DCAF16: variants seen among roughly 807,000 people sequenced by gnomAD.
DCAF16 encodes the protein DDB1 and CUL4 associated factor 16.
Under a neutral mutation model 17.3 loss-of-function variants are expected in DCAF16, and 10 were observed. That is an observed-to-expected ratio of 0.58 (90% confidence interval 0.36 to 0.98). The LOEUF (loss-of-function observed/expected upper bound fraction) is 0.98, where lower values mean the gene tolerates loss of function less well. DCAF16 is among the 50% of genes least tolerant of loss of function. DCAF16 has a pLI of 0.01. For synonymous variants in DCAF16, 111 were observed against 92.8 expected, an observed-to-expected ratio of 1.20 and a Z score of -1.12; for missense variants, 249 against 247.6, an observed-to-expected ratio of 1.01 and a Z score of -0.04.
Position 17,803,811 on chromosome 4 carries a change from G to A in DCAF16, c.331C>T (p.Pro111Ser), listed in dbSNP as rs979777525. Residue 111 changes from proline (P) to serine (S), a missense_variant, in exon 3 of 3, where the codon CCT becomes TCT. Transcript: ENST00000382247. ...SHCVPKLEPI[P>S]EWPPLASCGV... ...CAAGAGGCCAGAGGGGGCCATTCAG[G>A]AATTGGTTCCAGTTTGGGGACACAA... The A allele has an allele frequency of 2.5e-6, 4 of 1,614,208 alleles. No homozygotes were observed. The highest frequency in any genetic ancestry group is 2.5e-6 in the Non-Finnish European group (3 of 1,180,036).
At chr4:17,798,712 C>T (rs1301448254), downstream of DCAF16, among the ~76,000 whole-genome samples, 2 of 152,160 alleles carry the variant, frequency 1.3e-5, no homozygotes, top group Non-Finnish European at 2.9e-5. Context: ...AGTGTCAGGT[C>T]ACTGTGGTAT....
rs1720124301 is a variant in DCAF16 at position 17,804,531 on chromosome 4, T to G, written c.-390A>C. 1 of 201,228 alleles carries G rather than the reference T, an allele frequency of 5.0e-6. No homozygotes were observed. The highest frequency in any genetic ancestry group is 1.2e-4 in the South Asian group (1 of 8,562). 12.5% of individuals were successfully genotyped at this position (201,228 alleles called of 1,614,324 possible). ...AGTGATACTGTGAAGAGACACTTTT[T>G]GTGCTGTTTTGCTGGCAGTGATATT... On this transcript the variant is annotated 5_prime_UTR_variant, in exon 3 of 3. Coordinates refer to ENST00000382247, the MANE Select transcript of DCAF16 (RefSeq NM_017741.4).
intron 1 of DCAF16, among the ~76,000 whole-genome samples, chr4:17,806,600 TG>T (rs1382690527): frequency 6.6e-6 from 1 of 152,218 alleles, no homozygotes; most frequent in Non-Finnish European, 1.5e-5. Flanking sequence ...TGCTCTTGGA[TG>T]GAACAAATAT....
At chr4:17,796,707 C>T (rs1376411744), downstream of DCAF16, among the ~76,000 whole-genome samples, 4 of 152,102 alleles carry the variant, frequency 2.6e-5, no homozygotes, top group South Asian at 2.1e-4. Context: ...CTCCATCTCA[C>T]AACGACAACA....
downstream of DCAF16, among the ~76,000 whole-genome samples, chr4:17,796,130 A>G (rs1307238063): frequency 6.6e-6 from 1 of 152,214 alleles, no homozygotes; most frequent in Admixed American, 6.5e-5. Context: ...GTCATCTGCT[A>G]GAGAGATAGC....
chr4:17,809,704 A>T (rs1720688565), intron 1 of DCAF16: 1 of 152,188 alleles, frequency 6.6e-6, no homozygotes. Context: ...TGACATAGAC[A>T]TTAACAAGAA....
chr4:17,807,584 A>G (rs968263632), intron 1 of DCAF16, among the ~76,000 whole-genome samples: 1 of 152,206 alleles, frequency 6.6e-6, no homozygotes, highest in Non-Finnish European at 1.5e-5. Flanking sequence ...ATAGATAGCA[A>G]AGAAATTCCC....
chr4:17,807,641 T>C (rs1720451017), intron 1 of DCAF16, among the ~76,000 whole-genome samples: 2 of 152,234 alleles, frequency 1.3e-5, no homozygotes, highest in South Asian at 2.1e-4. Context: ...ACATCTGTGA[T>C]GACAGGAATT....
chr4:17,798,308 TC>T (rs1357419916), downstream of DCAF16, among the ~76,000 whole-genome samples: 20 of 147,384 alleles, frequency 1.4e-4, no homozygotes, highest in Admixed American at 3.4e-4. Context: ...ACTGTTATTT[TC>T]CTTTTTTTTT....
chr4:17,803,795 A>G lies in DCAF16; in HGVS notation c.347T>C (p.Leu116Pro). 6.2e-7 allele frequency: 1 copy of G among 1,614,230 alleles called. No homozygotes were observed. The highest frequency in any genetic ancestry group is 8.5e-7 in the Non-Finnish European group (1 of 1,180,034). The part of the protein sequence containing the change: ...KLEPIPEWPP[L>P]ASCGVPPFQK... ...AAAAGGTGGGACTCCACAAGAGGCC[A>G]GAGGGGGCCATTCAGGAATTGGTTC... Residue 116 changes from leucine to proline, a missense_variant, in exon 3 of 3, where the codon CTG (leucine) becomes CCG (proline). Coordinates refer to ENST00000382247, the MANE Select transcript of DCAF16 (RefSeq NM_017741.4).
downstream of DCAF16, among the ~76,000 whole-genome samples, chr4:17,797,700 G>A (rs1243244573): frequency 6.6e-6 from 1 of 152,188 alleles, no homozygotes; most frequent in Non-Finnish European, 1.5e-5. Context: ...TGGTTACTCA[G>A]GGTGCAACCA....
intron 1 of DCAF16, among the ~76,000 whole-genome samples, chr4:17,808,416 T>C (rs1720522292): frequency 1.3e-5 from 2 of 152,214 alleles, no homozygotes; most frequent in South Asian, 4.1e-4. Context: ...CAGAAAATTT[T>C]TAAAAAGGCT....
In DCAF16 at chr4:17,803,128, G is replaced by A. The variant is rs1181193918; in HGVS notation, c.*363C>T. 3 of 196,462 alleles carry A rather than the reference G, an allele frequency of 1.5e-5. No homozygotes were observed. Among genetic ancestry groups the A allele is most frequent in the Non-Finnish European group, 3.2e-5 (3 of 94,908 alleles). The allele number at this position is 196,462 out of a possible 1,614,324, so 12.2% of individuals were successfully genotyped here. A position where few individuals can be genotyped will look rare whatever the true frequency, so the allele number is the denominator to read the frequency against. ...CAACCTCCGTCTCCTGGGTTCAAGTGATTCTCCTGTTTCAGCCTCCCGAGT... is the reference window on the plus strand; with the variant it reads ...CAACCTCCGTCTCCTGGGTTCAAGTAATTCTCCTGTTTCAGCCTCCCGAGT... On this transcript the variant is annotated 3_prime_UTR_variant, in exon 3 of 3. Coordinates refer to ENST00000382247, the MANE Select transcript of DCAF16 (RefSeq NM_017741.4).
intron 1 of DCAF16, 126 bp downstream of exon 1, chr4:17,810,321 C>T (rs1720783595): frequency 1.3e-5 from 2 of 152,510 alleles, no homozygotes; most frequent in Admixed American, 1.3e-4. Context: ...ACGGCAGCAG[C>T]TAAGTTAGCC....
Position 17,803,335 on chromosome 4 carries a change from C to T in DCAF16, c.*156G>A. 2.8e-6 allele frequency: 2 copies of T among 716,494 alleles called. No homozygotes were observed. The highest frequency in any genetic ancestry group is 4.7e-6 in the Non-Finnish European group (2 of 428,084). 44.4% of individuals were successfully genotyped at this position (716,494 alleles called of 1,614,324 possible). On this transcript the variant is annotated 3_prime_UTR_variant, in exon 3 of 3. Coordinates refer to ENST00000382247, the MANE Select transcript of DCAF16 (RefSeq NM_017741.4). Reference sequence around the variant, plus strand: ...CCACCATGCCTGACCTTGATATTATCATTTTATCCACAGGGTTTGTCAAAG... The same window carrying T: ...CCACCATGCCTGACCTTGATATTATTATTTTATCCACAGGGTTTGTCAAAG...
At position 17,802,744 on chromosome 4, in the gene DCAF16, T is replaced by C. The variant is rs1560208854; in HGVS notation, c.*747A>G. 6.6e-6 allele frequency: 1 copy of C among 152,234 alleles called. No individual in the cohort carries two copies. Among genetic ancestry groups the C allele is most frequent in the Non-Finnish European group, 1.5e-5 (1 of 68,046 alleles). The allele number at this position is 152,234 out of a possible 1,614,324, so 9.4% of individuals were successfully genotyped here. A position where few individuals can be genotyped will look rare whatever the true frequency, so the allele number is the denominator to read the frequency against. On this transcript the variant is annotated 3_prime_UTR_variant, in exon 3 of 3. Transcript: ENST00000382247. The stretch of plus-strand genomic sequence containing the variant: ...GAAATTCATAGCCCTGCCATTTTCC[T>C]TTGTGTAGTTACTCAATTTAATTCA...
downstream of DCAF16, among the ~76,000 whole-genome samples, chr4:17,798,006 G>A (rs539964836): frequency 2.0e-5 from 3 of 152,248 alleles, no homozygotes; most frequent in Admixed American, 1.3e-4. Flanking sequence ...GTTTCATCTG[G>A]TTTCTGTTGC....
the DCAF16 span, among the ~76,000 whole-genome samples, chr4:17,794,864 T>C: frequency 2.6e-5 from 4 of 152,236 alleles, no homozygotes; most frequent in Admixed American, 2.0e-4. Context: ...ACACTTTCCA[T>C]TGTACTCAAA....
chr4:17,795,502 T>C, the DCAF16 span, among the ~76,000 whole-genome samples: 53 of 152,306 alleles, frequency 3.5e-4, no homozygotes, highest in African/African-American at 1.2e-3. Flanking sequence ...ATTTATTAGA[T>C]GTTGCATCTT....
Sources: allele counts gnomAD v4.1 joint callset (sites outside exome capture counted in the v4.1 genomes callset), GRCh38; gene constraint gnomAD v4.1.1; transcripts MANE v1.5; gene names NCBI Gene and HGNC (gene_info 2026-07-23, HGNC 2026-07-21).